Variants in ZBTB20 observed in about 807,000 individuals in gnomAD.
ZBTB20 encodes zinc finger and BTB domain containing 20.
Under a neutral mutation model 56.9 loss-of-function variants are expected in ZBTB20, and 9 were observed. That is an observed-to-expected ratio of 0.16 (90% confidence interval 0.10 to 0.28). The LOEUF is 0.28. ZBTB20 is among the 10% of genes least tolerant of loss of function. The pLI is 1.00. For missense variants in ZBTB20, 655 were observed against 1,003.0 expected (o/e 0.65, Z 4.69); for synonymous variants, 417 against 420.7 (o/e 0.99, Z 0.11).
chr3:114,851,006 C>T (rs972990062), intron 4 of ZBTB20, among the ~76,000 whole-genome samples: 1 of 152,100 alleles, frequency 6.6e-6, no homozygotes, highest in African/African-American at 2.4e-5. Flanking sequence ...AGAACCAAGC[C>T]CAGAAACCAG....
At chr3:114,738,673 C>A (rs2066362207) in intron 5 of ZBTB20, among the ~76,000 whole-genome samples, 1 of 152,012 alleles carries the variant, frequency 6.6e-6, no homozygotes, top group African/African-American at 2.4e-5. Flanking sequence ...AAAAACAGGA[C>A]AAAACAATAT....
intron 1 of ZBTB20, among the ~76,000 whole-genome samples, chr3:115,121,388 T>C (rs908590324): frequency 4.0e-5 from 6 of 151,874 alleles, no homozygotes; most frequent in Non-Finnish European, 5.9e-5. Flanking sequence ...CTGGAGTAGC[T>C]GAACTGATTT....
chr3:114,802,932 G>GAATGAA (rs2071825067), intron 4 of ZBTB20, among the ~76,000 whole-genome samples: 1 of 151,632 alleles, frequency 6.6e-6, no homozygotes, highest in South Asian at 2.1e-4. Flanking sequence ...ATTCAGTCAG[G>GAATGAA]TTTCCTTCTC....
At chr3:114,674,280 T>C (rs1168053316) in intron 6 of ZBTB20, among the ~76,000 whole-genome samples, 2 of 152,210 alleles carry the variant, frequency 1.3e-5, no homozygotes, top group African/African-American at 2.4e-5. Flanking sequence ...TACTTAGTTA[T>C]GCATCATTCA....
At chr3:114,422,564 A>G (rs1323376291) in intron 7 of ZBTB20, among the ~76,000 whole-genome samples, 1 of 152,160 alleles carries the variant, frequency 6.6e-6, no homozygotes, top group African/African-American at 2.4e-5. Flanking sequence ...AGAAATCTAC[A>G]GAAAAAATAG....
Position 115,034,864 on chromosome 3 carries a change from G to A in ZBTB20, c.-507+36355C>T, listed in dbSNP as rs551117814. Among the ~76,000 whole-genome samples, 24 of 151,926 alleles carry A rather than the reference G, an allele frequency of 1.6e-4. 1 individual carries two copies. The South Asian group carries it at 3.9e-3, about 25-fold the overall frequency. ...GTAATCAAAACAGCACGGTACTGGC[G>A]TAAAGACAAACTAAGAAATAAAATA... is the stretch of plus-strand genomic sequence containing the variant. On this transcript the variant is annotated intron_variant, in intron 2 of 11. Coordinates refer to ENST00000675478, the MANE Select transcript of ZBTB20 (RefSeq NM_001348800.3).
chr3:114,709,797 A>G (rs992968654), intron 5 of ZBTB20, among the ~76,000 whole-genome samples: 5 of 152,176 alleles, frequency 3.3e-5, no homozygotes, highest in African/African-American at 1.2e-4. Flanking sequence ...TTATAAATTC[A>G]TCTCCCTTAA....
intron 6 of ZBTB20, among the ~76,000 whole-genome samples, chr3:114,657,925 C>T (rs1690753776): frequency 6.6e-6 from 1 of 152,128 alleles, no homozygotes; most frequent in African/African-American, 2.4e-5. Context: ...ACCAAAATCA[C>T]AACTACCAAA....
chr3:115,113,574 C>G (rs2083938437), intron 1 of ZBTB20, among the ~76,000 whole-genome samples: 1 of 152,168 alleles, frequency 6.6e-6, no homozygotes, highest in Admixed American at 6.5e-5. Flanking sequence ...TATGCAAGTG[C>G]AGAACAATGC....
At chr3:114,986,116 T>G (rs2078529162) in intron 2 of ZBTB20, among the ~76,000 whole-genome samples, 1 of 152,094 alleles carries the variant, frequency 6.6e-6, no homozygotes. Flanking sequence ...TGTGTTAGAA[T>G]CTGCTTTTCT....
intron 4 of ZBTB20, among the ~76,000 whole-genome samples, chr3:114,806,684 A>G (rs1203744251): frequency 1.3e-5 from 2 of 152,006 alleles, no homozygotes; most frequent in East Asian, 3.9e-4. Context: ...CAAAGTCATG[A>G]AGATTTTCTC....
rs79690768 is a variant in ZBTB20, at chr3:114,369,318, A to G, written c.199+10899T>C. 5.5e-3 allele frequency among the ~76,000 whole-genome samples: 845 copies of G among 152,324 alleles called. 7 individuals carry two copies. The highest frequency in any genetic ancestry group is 0.019 in the African/African-American group (804 of 41,570). ...TAACATAACCAAGCTAAAACTAGTGAGGATAAATAAGTAGGAGGAAACTCA... is the reference window on the plus strand; with the variant it reads ...TAACATAACCAAGCTAAAACTAGTGGGGATAAATAAGTAGGAGGAAACTCA... On this transcript the variant is annotated intron_variant, in intron 10 of 11. Transcript: ENST00000675478.
chr3:114,389,417 G>A (rs1559724299), intron 7 of ZBTB20, among the ~76,000 whole-genome samples: 1 of 152,064 alleles, frequency 6.6e-6, no homozygotes, highest in Non-Finnish European at 1.5e-5. Context: ...GGGGAAGGAA[G>A]TAGAAACAGT....
At chr3:115,024,826 A>G (rs909975323) in intron 2 of ZBTB20, among the ~76,000 whole-genome samples, 8 of 151,194 alleles carry the variant, frequency 5.3e-5, no homozygotes, top group African/African-American at 1.9e-4. Flanking sequence ...CTACATATTC[A>G]CTAAGAAAAT....
chr3:114,323,690 T>C lies in ZBTB20; in HGVS notation c.*15315A>G, dbSNP rs1194159398. 1 of 152,174 alleles carries C rather than the reference T, an allele frequency of 6.6e-6. No homozygotes were observed. The highest frequency in any genetic ancestry group is 1.5e-5 in the Non-Finnish European group (1 of 68,032). The allele number at this position is 152,174 out of a possible 1,614,324, so 9.4% of individuals were successfully genotyped here. On this transcript the variant is annotated 3_prime_UTR_variant, in exon 12 of 12. Transcript: ENST00000675478. Reference sequence around the variant, plus strand: ...ATTGGGTAAACTTTTTCTTAAATGTTCTTAATTGCTGTACTAACTCAGCTT... The same window carrying C: ...ATTGGGTAAACTTTTTCTTAAATGTCCTTAATTGCTGTACTAACTCAGCTT...
chr3:114,979,761 G>C (rs1223112253), intron 2 of ZBTB20, among the ~76,000 whole-genome samples: 6 of 151,994 alleles, frequency 3.9e-5, no homozygotes, highest in African/African-American at 1.4e-4. Flanking sequence ...GACTGGAAAA[G>C]CTTTAATTTC....
At position 114,475,972 on chromosome 3, in the gene ZBTB20, G is replaced by A. The variant is rs533911741; in HGVS notation, c.-255+24380C>T. On this transcript the variant is annotated intron_variant, in intron 7 of 11. Coordinates refer to ENST00000675478, the MANE Select transcript of ZBTB20 (RefSeq NM_001348800.3). ...TTAATGAAGAAATTCATATTTTTCT[G>A]AATATTAGAGAAATATTAATTTTTC... is the stretch of plus-strand genomic sequence containing the variant. Among the ~76,000 whole-genome samples the A allele has an allele frequency of 1.1e-4, 17 of 151,970 alleles. No individual in the cohort carries two copies. In the East Asian group the frequency reaches 3.1e-3, roughly 28 times the overall value.
intron 10 of ZBTB20, among the ~76,000 whole-genome samples, chr3:114,360,267 A>C (rs1228568934): frequency 2.0e-5 from 3 of 152,094 alleles, no homozygotes; most frequent in Non-Finnish European, 2.9e-5. Context: ...TAACAAATAA[A>C]AAAAAGTTGC....
intron 7 of ZBTB20, among the ~76,000 whole-genome samples, chr3:114,480,591 G>C (rs1050470361): frequency 6.6e-6 from 1 of 152,138 alleles, no homozygotes; most frequent in African/African-American, 2.4e-5. Context: ...GAGAGCAAAG[G>C]GTGGTCAGGT....
Sources: gnomAD v4.1 joint callset for allele counts (sites outside exome capture counted in the v4.1 genomes callset) on GRCh38, gnomAD v4.1.1 for gene constraint, MANE v1.5 for transcripts, NCBI Gene and HGNC (gene_info 2026-07-23, HGNC 2026-07-21) for gene names.